CNMD: variants seen among roughly 807,000 people sequenced by gnomAD.
The protein encoded by CNMD is leukocyte cell-derived chemotaxin 1.
A neutral mutation model predicts 37.5 loss-of-function variants in CNMD; 30 were observed. That is an observed-to-expected ratio of 0.80 (90% CI 0.60 to 1.09). The LOEUF (loss-of-function observed/expected upper bound fraction) is 1.09, where lower values mean the gene tolerates loss of function less well. CNMD is among the 50% of genes least tolerant of loss of function. The probability of loss-of-function intolerance (pLI) is 0.00; values close to 1 mark genes in which losing one functional copy is unlikely to be tolerated. For missense variants in CNMD, 398 were observed against 423.9 expected, an observed-to-expected ratio of 0.94 and a Z score of 0.54; for synonymous variants, 167 against 148.2, an observed-to-expected ratio of 1.13 and a Z score of -0.92.
At chr13:52,733,098 A>T in intron 3 of CNMD, 121 bp downstream of exon 3, 1 of 953,066 alleles carries the variant, frequency 1.0e-6, no homozygotes, top group Non-Finnish European at 1.7e-6. Flanking sequence ...TAGTGGCACT[A>T]CAACTGCTAT....
intron 4 of CNMD, among the ~76,000 whole-genome samples, chr13:52,721,599 G>T (rs1311977545): frequency 6.6e-6 from 1 of 152,162 alleles, no homozygotes; most frequent in Non-Finnish European, 1.5e-5. Flanking sequence ...ACCCTGCTTT[G>T]GCTTGCCCTC....
intron 3 of CNMD, among the ~76,000 whole-genome samples, chr13:52,731,847 A>G (rs1964676702): frequency 6.6e-6 from 1 of 152,228 alleles, no homozygotes; most frequent in South Asian, 2.1e-4. Context: ...GTACAAAGAA[A>G]AAATGATTTT....
chr13:52,738,580 G>A (rs1309623191), intron 2 of CNMD, among the ~76,000 whole-genome samples: 1 of 152,124 alleles, frequency 6.6e-6, no homozygotes, highest in Non-Finnish European at 1.5e-5. Context: ...CCTTCCCAAT[G>A]GGTCTGAATA....
At chr13:52,735,110 T>C (rs748698873) in intron 2 of CNMD, among the ~76,000 whole-genome samples, 14 of 152,226 alleles carry the variant, frequency 9.2e-5, no homozygotes, top group Non-Finnish European at 1.8e-4. Flanking sequence ...GGGGTTCTGA[T>C]TTAGTGGAGC....
chr13:52,721,394 C>T (rs894484075), intron 4 of CNMD, among the ~76,000 whole-genome samples: 1 of 152,188 alleles, frequency 6.6e-6, no homozygotes, highest in Admixed American at 6.5e-5. Flanking sequence ...AAATGGCCAC[C>T]CAGTTGAAAC....
At chr13:52,730,262 G>A (rs1359191051) in intron 3 of CNMD, among the ~76,000 whole-genome samples, 1 of 151,964 alleles carries the variant, frequency 6.6e-6, no homozygotes, top group Non-Finnish European at 1.5e-5. Flanking sequence ...TTGCTATCGT[G>A]AATAGTGCTG....
intron 4 of CNMD, among the ~76,000 whole-genome samples, chr13:52,721,736 C>A (rs1019776653): frequency 6.6e-6 from 1 of 152,192 alleles, no homozygotes; most frequent in Non-Finnish European, 1.5e-5. Flanking sequence ...TGTTCCTATT[C>A]GGCCATCTCT....
At chr13:52,734,087 T>C (rs1964718862) in intron 2 of CNMD, among the ~76,000 whole-genome samples, 1 of 152,054 alleles carries the variant, frequency 6.6e-6, no homozygotes, top group Admixed American at 6.6e-5. Context: ...TTATGAGATG[T>C]GTGGGGAGTG....
rs767470688 is a variant in CNMD at position 52,703,780 on chromosome 13, G to T, written c.820C>A (p.Pro274Thr). ...QQEGESMTFDPRLDHEGICCI... is the reference protein window; with the variant it reads ...QQEGESMTFDTRLDHEGICCI... ...CAGATTCCTTCGTGATCCAGTCTAG[G>T]GTCGAATGTCATGCTTTCCCCTTCC... Residue 274 changes from proline to threonine, a missense_variant, in exon 7 of 7, where the codon CCT (proline) becomes ACT (threonine). Pro to Thr is a conservative substitution (Grantham distance 38, BLOSUM62 -1). Coordinates refer to ENST00000377962, the MANE Select transcript of CNMD (RefSeq NM_007015.3). 7.4e-6 allele frequency: 12 copies of T among 1,612,908 alleles called. No homozygotes were observed. The Admixed American group carries it at 2.0e-4, about 27-fold the overall frequency.
chr13:52,733,348 G>A lies in CNMD; in HGVS notation c.225C>T (p.Val75=). 2 of 1,613,898 alleles carry A rather than the reference G, an allele frequency of 1.2e-6. No homozygotes were observed. Among genetic ancestry groups the A allele is most frequent in the Non-Finnish European group, 8.5e-7 (1 of 1,179,814 alleles). The change falls in exon 3 of 7, where the codon GTC becomes GTT. Residue 75 remains valine (V), a synonymous_variant. Transcript: ENST00000377962. ...WKGSDSHIYN[V]HYTMSINGKL... ...TCCCATTGATACTCATGGTGTAATG[G>A]ACATTGTAAATCTGAAAGTGAGCAT... is the stretch of plus-strand genomic sequence containing the variant.
intron 2 of CNMD, among the ~76,000 whole-genome samples, chr13:52,735,762 G>A (rs1040368044): frequency 6.6e-6 from 1 of 151,278 alleles, no homozygotes; most frequent in Admixed American, 6.6e-5. Flanking sequence ...GCCCTGGGCC[G>A]CATGCAGGAC....
Position 52,708,603 on chromosome 13 carries a change from A to G in CNMD, c.722T>C (p.Leu241Pro), listed in dbSNP as rs772436932. ...AACACTGGGTCTGGTTTCATTATTC[A>G]GTCTTCCAGCGCCTGGGTTGCTCCG... Reference protein sequence around the residue: ...GPRSNPGAGRLNNETRPSVQE... With the variant: ...GPRSNPGAGRPNNETRPSVQE... The change falls in exon 6 of 7, where the codon CTG becomes CCG. Residue 241 changes from leucine to proline, a missense_variant. Leu to Pro is a moderately conservative substitution (Grantham distance 98). Transcript: ENST00000377962. 9.9e-6 allele frequency: 16 copies of G among 1,613,864 alleles called. No homozygotes were observed. Among genetic ancestry groups the G allele is most frequent in the Non-Finnish European group, 1.3e-5 (15 of 1,179,948 alleles).
chr13:52,706,538 A>G (rs1047185221), intron 6 of CNMD, among the ~76,000 whole-genome samples: 4 of 152,224 alleles, frequency 2.6e-5, no homozygotes, highest in Admixed American at 2.0e-4. Context: ...AGTATTTGCA[A>G]ACAGCAAAAG....
rs942810214 is a variant in CNMD, at chr13:52,739,239, C to T, written c.73-68G>A. 7 of 1,404,742 alleles carry T rather than the reference C, an allele frequency of 5.0e-6. No individual in the cohort carries two copies. The African/African-American group carries it at 9.0e-5, about 18-fold the overall frequency. 87.0% of individuals were successfully genotyped at this position (1,404,742 alleles called of 1,614,324 possible). ...CAGCACCTGCGGCCCCCAGCGCACCCGGGCCCCACGCGGTAGCCCCCAGGG... is the reference window on the plus strand; with the variant it reads ...CAGCACCTGCGGCCCCCAGCGCACCTGGGCCCCACGCGGTAGCCCCCAGGG... On this transcript the variant is annotated intron_variant, in intron 1 of 6. Transcript: ENST00000377962. The surrounding 1 kb of genome is among the most constrained non-coding windows in gnomAD (Gnocchi z 5.4).
chr13:52,730,420 C>G (rs1302204724), intron 3 of CNMD, among the ~76,000 whole-genome samples: 1 of 152,042 alleles, frequency 6.6e-6, no homozygotes, highest in African/African-American at 2.4e-5. Flanking sequence ...AATGGTTGAA[C>G]TAGTTTACAG....
chr13:52,710,836 A>G (rs182822916), intron 5 of CNMD, among the ~76,000 whole-genome samples: 3 of 152,256 alleles, frequency 2.0e-5, no homozygotes, highest in East Asian at 1.9e-4. Context: ...TGGTCACGCT[A>G]TTGGGCTGGG....
At chr13:52,730,057 G>C (rs1964638861) in intron 3 of CNMD, among the ~76,000 whole-genome samples, 1 of 149,054 alleles carries the variant, frequency 6.7e-6, no homozygotes, top group Non-Finnish European at 1.5e-5. Flanking sequence ...CCACCTATGA[G>C]TGAGAACATG....
intron 4 of CNMD, among the ~76,000 whole-genome samples, chr13:52,720,231 C>CT (rs2138245643): frequency 6.6e-6 from 1 of 152,282 alleles, no homozygotes; most frequent in South Asian, 2.1e-4. Context: ...AGCAATTCCT[C>CT]TAACCTTTTT....
At chr13:52,737,396 G>A (rs1964787906) in intron 2 of CNMD, among the ~76,000 whole-genome samples, 1 of 152,168 alleles carries the variant, frequency 6.6e-6, no homozygotes, top group Non-Finnish European at 1.5e-5. Flanking sequence ...AATAAAATGT[G>A]ATTCACTATT....
Sources: gnomAD v4.1 joint callset for allele counts (sites outside exome capture counted in the v4.1 genomes callset) on GRCh38, gnomAD v4.1.1 for gene constraint, Gnocchi (gnomAD v3.1) non-coding constraint, MANE v1.5 for transcripts, NCBI Gene and HGNC (gene_info 2026-07-23, HGNC 2026-07-21) for gene names.